Variants in NLRP13 observed in about 807,000 individuals in gnomAD.
The protein encoded by NLRP13 is NACHT, LRR and PYD domains-containing protein 13.
In NLRP13, 82 loss-of-function variants were observed where a neutral mutation model predicts 94.4. The ratio of observed to expected loss-of-function variants is 0.87; its 90% CI spans 0.73 to 1.04. The LOEUF is 1.04. Ranked by LOEUF, NLRP13 falls within the 50% of genes least tolerant of loss-of-function variation. NLRP13 has a pLI of 0.00. For synonymous variants in NLRP13, 553 were observed against 464.7 expected (o/e 1.19, Z -2.45); for missense variants, 1,426 against 1,230.8 (o/e 1.16, Z -2.37).
At chr19:55,927,299 C>T (rs954205060) in intron 1 of NLRP13, among the ~76,000 whole-genome samples, 1 of 149,252 alleles carries the variant, frequency 6.7e-6, no homozygotes, top group African/African-American at 2.5e-5. Flanking sequence ...AACCCGGAGG[C>T]AGAGGTTGCA....
Position 55,912,311 on chromosome 19 carries a change from GTCT to G in NLRP13, c.1503_1505del (p.Glu501del), listed in dbSNP as rs777541871. On this transcript the variant is annotated inframe_deletion, in exon 5 of 11. Coordinates refer to ENST00000342929, the MANE Select transcript of NLRP13 (RefSeq NM_176810.2). ...GCACTTCCAGGCCCTCGATCTCAGTGTCTTCTTTGTTAAACGTGAAGTTCATAG... is the reference window on the plus strand; with the variant it reads ...GCACTTCCAGGCCCTCGATCTCAGTGTCTTTGTTAAACGTGAAGTTCATAG... 1.9e-6 allele frequency: 3 copies of G among 1,613,944 alleles called. No individual in the cohort carries two copies. Among genetic ancestry groups the G allele is most frequent in the Non-Finnish European group, 2.5e-6 (3 of 1,180,022 alleles).
intron 1 of NLRP13, among the ~76,000 whole-genome samples, chr19:55,931,724 A>AGAAAGAC (rs1568449426): frequency 2.8e-4 from 39 of 137,078 alleles, no homozygotes; most frequent in African/African-American, 1.0e-3. Context: ...AAAAAAAAAA[A>AGAAAGAC]AGAAAGAAAG....
In NLRP13 at chr19:55,901,947, C is replaced by A; in HGVS notation, c.2789+88G>T. On this transcript the variant is annotated intron_variant, in intron 9 of 10. Transcript: ENST00000342929. ...GCAAAGAGCTTGTCCACGCCTCATTCAAACCCCATCAGGAACTCAGGCATT... is the reference window on the plus strand; with the variant it reads ...GCAAAGAGCTTGTCCACGCCTCATTAAAACCCCATCAGGAACTCAGGCATT... 2.1e-6 allele frequency: 3 copies of A among 1,406,544 alleles called. 1 individual carries two copies. The South Asian group carries it at 3.9e-5, about 18-fold the overall frequency. The allele number at this position is 1,406,544 out of a possible 1,614,324, so 87.1% of individuals were successfully genotyped here.
At chr19:55,913,899 C>G (rs1077161) in intron 4 of NLRP13, among the ~76,000 whole-genome samples, 5,339 of 152,290 alleles carry the variant, frequency 0.035, 143 homozygotes, top group Non-Finnish European at 0.049. Flanking sequence ...CCCATGAGCC[C>G]TCTTCCCTCA....
At chr19:55,918,088 C>T (rs1489838304) in intron 4 of NLRP13, among the ~76,000 whole-genome samples, 2 of 151,604 alleles carry the variant, frequency 1.3e-5, no homozygotes, top group Admixed American at 6.6e-5. Context: ...TGAAATAAAA[C>T]TAGAAATCAA....
At position 55,913,019 on chromosome 19, in the gene NLRP13, G is replaced by T. The variant is rs1432453589; in HGVS notation, c.798C>A (p.Phe266Leu). Residue 266 changes from phenylalanine (F) to leucine (L), a missense_variant, in exon 5 of 11, where the codon TTC becomes TTA. By Grantham distance (22) the Phe-to-Leu change is conservative. Transcript: ENST00000342929. ...VLFQQRFSYV[F>L]YLSCHKIRYM... ...ACCTTATTTTATGGCAGCTGAGATA[G>T]AAAACATAGGAGAACCTTTGCTGAA... The T allele has an allele frequency of 1.2e-6, 2 of 1,614,050 alleles. No homozygotes were observed. Among genetic ancestry groups the T allele is most frequent in the African/African-American group, 2.7e-5 (2 of 74,928 alleles).
chr19:55,892,232 G>T (rs1441660420), downstream of NLRP13: 5 of 717,460 alleles, frequency 7.0e-6, no homozygotes, highest in Non-Finnish European at 9.6e-6. Context: ...GGTCTACTGT[G>T]TGGCATGAAG....
intron 10 of NLRP13, among the ~76,000 whole-genome samples, chr19:55,896,818 C>CACAAA: frequency 3.2e-5 from 1 of 31,124 alleles, no homozygotes; most frequent in Non-Finnish European, 6.3e-5. Context: ...GACTCCATCT[C>CACAAA]ACAAAAAAAA....
intron 1 of NLRP13, among the ~76,000 whole-genome samples, chr19:55,927,644 C>A (rs923072225): frequency 3.9e-5 from 6 of 152,036 alleles, no homozygotes; most frequent in African/African-American, 1.4e-4. Context: ...CATCCATAAA[C>A]CACCAGGGCA....
At chr19:55,892,445 G>A (rs187336952), downstream of NLRP13, among the ~76,000 whole-genome samples, 24 of 152,038 alleles carry the variant, frequency 1.6e-4, no homozygotes, top group Admixed American at 1.0e-3. Context: ...TGTTTGAGAC[G>A]CAGTGTCACT....
In NLRP13 at chr19:55,911,289, T is replaced by C. The variant is rs1334860552; in HGVS notation, c.2111+417A>G. Among the ~76,000 whole-genome samples the C allele has an allele frequency of 2.6e-5, 4 of 152,198 alleles. No individual in the cohort carries two copies. The South Asian group carries it at 6.2e-4, about 24-fold the overall frequency. Reference sequence around the variant, plus strand: ...CTCTGTTGCCCAGGCTGGAGTGCAGTGATGTGATCTCTGCTTGCTGCAACT... The same window carrying C: ...CTCTGTTGCCCAGGCTGGAGTGCAGCGATGTGATCTCTGCTTGCTGCAACT... On this transcript the variant is annotated intron_variant, in intron 5 of 10. Transcript: ENST00000342929.
At chr19:55,901,893 C>T (rs542785104) in intron 9 of NLRP13, 142 bp downstream of exon 9, 4 of 833,678 alleles carry the variant, frequency 4.8e-6, no homozygotes, top group Non-Finnish European at 5.5e-6. Context: ...CCATCCCACA[C>T]CCCCGACAAA....
In NLRP13 at chr19:55,932,042, C is replaced by T. The variant is rs1332039605; in HGVS notation, c.270G>A (p.Gln90=). ...CACACAGTGAGGTCAGATTCATTGT[C>T]TGGAAGATGCCGAGGACCACTTTCC... ...QAWKVVLGIF[Q]TMNLTSLCEK... Residue 90 remains glutamine (Q), a synonymous_variant, in exon 1 of 11, where the codon CAG becomes CAA. Transcript: ENST00000342929. The T allele has an allele frequency of 1.9e-6, 3 of 1,614,066 alleles. No homozygotes were observed. The highest frequency in any genetic ancestry group is 2.2e-5 in the East Asian group (1 of 44,846).
chr19:55,926,916 C>G (rs1226864754), intron 1 of NLRP13, among the ~76,000 whole-genome samples: 1 of 151,684 alleles, frequency 6.6e-6, no homozygotes, highest in Non-Finnish European at 1.5e-5. Flanking sequence ...GATGCAGAAG[C>G]AATTCAATAG....
intron 10 of NLRP13, among the ~76,000 whole-genome samples, chr19:55,898,272 C>T (rs530053605): frequency 1.4e-5 from 2 of 144,356 alleles, no homozygotes; most frequent in South Asian, 4.5e-4. Flanking sequence ...TGCAATGGCA[C>T]AATCTCAGCT....
At chr19:55,920,465 A>G (rs1044716123) in intron 4 of NLRP13, among the ~76,000 whole-genome samples, 1 of 152,126 alleles carries the variant, frequency 6.6e-6, no homozygotes, top group African/African-American at 2.4e-5. Flanking sequence ...CAATTTAAAT[A>G]AAATCCCATT....
At chr19:55,901,799 G>A (rs1568687949) in intron 9 of NLRP13, among the ~76,000 whole-genome samples, 1 of 151,986 alleles carries the variant, frequency 6.6e-6, no homozygotes, top group African/African-American at 2.4e-5. Flanking sequence ...GCTGGATCCC[G>A]AGTCCTCCCA....
At chr19:55,892,525 G>A (rs747653029), downstream of NLRP13, among the ~76,000 whole-genome samples, 1 of 152,118 alleles carries the variant, frequency 6.6e-6, no homozygotes, top group Non-Finnish European at 1.5e-5. Flanking sequence ...GGGCCCCAGC[G>A]ATTCTCCTGC....
At chr19:55,893,952 A>G (rs539714338), downstream of NLRP13, among the ~76,000 whole-genome samples, 1 of 152,102 alleles carries the variant, frequency 6.6e-6, no homozygotes, top group Non-Finnish European at 1.5e-5. Context: ...CTCACTTCCT[A>G]AAGTAGGCAA....
Sources: gnomAD v4.1 joint callset for allele counts (sites outside exome capture counted in the v4.1 genomes callset) on GRCh38, gnomAD v4.1.1 for gene constraint, MANE v1.5 for transcripts, NCBI Gene and HGNC (gene_info 2026-07-23, HGNC 2026-07-21) for gene names.